Variants in ZRSR2 observed in about 807,000 individuals in gnomAD.
The protein encoded by ZRSR2 is zinc finger CCCH-type, RNA binding motif and serine/arginine rich 2.
In ZRSR2, 3 loss-of-function variants were observed where a neutral mutation model predicts 39.4. The ratio of observed to expected loss-of-function variants is 0.08; its 90% CI spans 0.03 to 0.20. The LOEUF is 0.20. Ranked by LOEUF, ZRSR2 falls within the 10% of genes least tolerant of loss-of-function variation. The pLI is 1.00. For synonymous variants in ZRSR2, 137 were observed against 136.0 expected (o/e 1.01, Z -0.05); for missense variants, 256 against 391.5 (o/e 0.65, Z 2.92).
intron 5 of ZRSR2, among the ~76,000 whole-genome samples, chrX:15,804,877 T>TA (rs11316753): frequency 1.6e-4 from 16 of 102,022 alleles, no homozygotes; most frequent in East Asian, 3.1e-4. Flanking sequence ...GTTGCTTATT[T>TA]AAAAAAAAAA....
chrX:15,819,356 C>T (rs1933047414), intron 9 of ZRSR2, among the ~76,000 whole-genome samples: 1 of 109,326 alleles, frequency 9.1e-6, no homozygotes, highest in Non-Finnish European at 1.9e-5. Flanking sequence ...ACCTGTAATC[C>T]CAGCTACTTG....
intron 5 of ZRSR2, among the ~76,000 whole-genome samples, chrX:15,805,414 CTG>C (rs1231028014): frequency 9.0e-6 from 1 of 111,682 alleles, no homozygotes; most frequent in Non-Finnish European, 1.9e-5. Context: ...CAGAGGAAAT[CTG>C]TGAGACTTCA....
intron 2 of ZRSR2, 93 bp from the exon 3 acceptor site, chrX:15,799,779 A>G (rs1170358223): frequency 1.9e-5 from 10 of 537,475 alleles, no homozygotes; most frequent in Non-Finnish European, 2.9e-5. Flanking sequence ...TTTTACCATA[A>G]TTTTATACAT....
In ZRSR2 at chrX:15,823,122, C is replaced by T; in HGVS notation, c.1329C>T (p.Ser443=). 1 of 1,204,812 alleles carries T rather than the reference C, an allele frequency of 8.3e-7. No homozygotes were observed. Among genetic ancestry groups the T allele is most frequent in the Non-Finnish European group, 1.1e-6 (1 of 892,377 alleles). Residue 443 remains serine (S), a synonymous_variant, in exon 11 of 11, where the codon AGC becomes AGT. Coordinates refer to ENST00000307771, the MANE Select transcript of ZRSR2 (RefSeq NM_005089.4). The stretch of plus-strand genomic sequence containing the variant: ...GGGGCCGGGGCAGCCGGAGCCGGAG[C>T]CGGAGCCGGAGCCGCAGGAGCCGCC... ...RSRGRGSRSR[S]RSRSRRSRRS...
chrX:15,802,610 C>A (rs925268261), intron 3 of ZRSR2, among the ~76,000 whole-genome samples: 4 of 110,691 alleles, frequency 3.6e-5, no homozygotes, highest in African/African-American at 1.3e-4. Flanking sequence ...TAGGCGGCTG[C>A]CACCACGCCT....
At chrX:15,811,020 G>A (rs1932872784) in intron 7 of ZRSR2, among the ~76,000 whole-genome samples, 1 of 109,751 alleles carries the variant, frequency 9.1e-6, no homozygotes, top group Admixed American at 9.9e-5. Flanking sequence ...TGTCAAGTGT[G>A]TATGTCCTTT....
At chrX:15,816,442 T>A (rs998303179) in intron 8 of ZRSR2, among the ~76,000 whole-genome samples, 12 of 112,224 alleles carry the variant, frequency 1.1e-4, no homozygotes, top group Non-Finnish European at 2.3e-4. Flanking sequence ...TTTTACACTG[T>A]TTTTATTCAT....
intron 8 of ZRSR2, among the ~76,000 whole-genome samples, chrX:15,817,671 C>G (rs76547150): frequency 9.0e-6 from 1 of 110,983 alleles, no homozygotes; most frequent in African/African-American, 3.3e-5. Context: ...TTGTCAATAC[C>G]TAGTGAAGGT....
chrX:15,805,120 C>T (rs1932766876), intron 5 of ZRSR2, among the ~76,000 whole-genome samples: 1 of 112,048 alleles, frequency 8.9e-6, no homozygotes. Flanking sequence ...ATGCATGTGT[C>T]TTCATTGTAG....
intron 9 of ZRSR2, 122 bp downstream of exon 9, chrX:15,818,764 AT>A: frequency 1.7e-6 from 1 of 593,075 alleles, no homozygotes; most frequent in Non-Finnish European, 2.5e-6. Context: ...TTATGTTTTT[AT>A]TTTTATTTTG....
chrX:15,815,978 G>A, intron 8 of ZRSR2, 88 bp downstream of exon 8: 3 of 762,329 alleles, frequency 3.9e-6, no homozygotes, highest in Non-Finnish European at 5.7e-6. Flanking sequence ...GCTCAGCTGG[G>A]GTCAGGCACG....
At chrX:15,811,828 C>T (rs747991602) in intron 7 of ZRSR2, among the ~76,000 whole-genome samples, 9 of 112,322 alleles carry the variant, frequency 8.0e-5, no homozygotes, top group Admixed American at 1.9e-4. Context: ...GGGAATGGCC[C>T]GTCATGCTCT....
At chrX:15,792,552 T>G (rs182922635) in intron 2 of ZRSR2, among the ~76,000 whole-genome samples, 1 of 112,784 alleles carries the variant, frequency 8.9e-6, no homozygotes, top group African/African-American at 3.2e-5. Flanking sequence ...TCACAATATG[T>G]ATATGGCACT....
chrX:15,803,623 G>A (rs966509515), intron 3 of ZRSR2, 65 bp from the exon 4 acceptor site: 14 of 1,070,291 alleles, frequency 1.3e-5, no homozygotes, highest in African/African-American at 3.8e-5. Context: ...TTTTGCTCTC[G>A]TGTGTGTGTG....
intron 7 of ZRSR2, among the ~76,000 whole-genome samples, chrX:15,815,064 A>G (rs771198058): frequency 1.8e-5 from 2 of 111,597 alleles, no homozygotes; most frequent in East Asian, 2.8e-4. Flanking sequence ...CTTTTCCCCT[A>G]TGGTTCAACA....
intron 5 of ZRSR2, among the ~76,000 whole-genome samples, chrX:15,807,536 C>T (rs1215004038): frequency 1.8e-5 from 2 of 108,385 alleles, no homozygotes; most frequent in African/African-American, 3.4e-5. Flanking sequence ...GTGATCCACC[C>T]GCCTCAGCCT....
At chrX:15,820,500 A>T (rs1933080834) in intron 10 of ZRSR2, among the ~76,000 whole-genome samples, 184 bp downstream of exon 10, 1 of 111,936 alleles carries the variant, frequency 8.9e-6, no homozygotes, top group Non-Finnish European at 1.9e-5. Context: ...TCAATGAGTC[A>T]CTTGATAGAT....
intron 9 of ZRSR2, among the ~76,000 whole-genome samples, chrX:15,819,957 C>G (rs982331281): frequency 6.2e-5 from 7 of 112,122 alleles, no homozygotes; most frequent in African/African-American, 2.3e-4. Flanking sequence ...ATGGTCCAAT[C>G]TTTTGGATTA....
At chrX:15,813,154 A>C (rs1932911004) in intron 7 of ZRSR2, among the ~76,000 whole-genome samples, 1 of 112,024 alleles carries the variant, frequency 8.9e-6, no homozygotes, top group Non-Finnish European at 1.9e-5. Context: ...GCTATACCCG[A>C]GGGGGCATTT....
Sources: gnomAD v4.1 joint callset for allele counts (sites outside exome capture counted in the v4.1 genomes callset) on GRCh38, gnomAD v4.1.1 for gene constraint, MANE v1.5 for transcripts, NCBI Gene and HGNC (gene_info 2026-07-23, HGNC 2026-07-21) for gene names.